The following GADL1 variants were observed in gnomAD, a reference collection of about 807,000 sequenced individuals.
GADL1 encodes the protein acidic amino acid decarboxylase GADL1.
A neutral mutation model predicts 69.5 loss-of-function variants in GADL1; 71 were observed. The ratio of observed to expected loss-of-function variants is 1.02; its 90% CI spans 0.84 to 1.25. The LOEUF (loss-of-function observed/expected upper bound fraction) is 1.25, where lower values mean the gene tolerates loss of function less well. GADL1 is among the 50% of genes most tolerant of loss of function. The pLI, the probability that GADL1 is intolerant of heterozygous loss-of-function variation, is 0.00. For synonymous variants in GADL1, 254 were observed against 214.4 expected, an observed-to-expected ratio of 1.18 and a Z score of -1.62; for missense variants, 737 against 631.8, an observed-to-expected ratio of 1.17 and a Z score of -1.79.
rs78579416 is a variant in GADL1 at position 30,851,738 on chromosome 3, G to A, written c.429-797C>T. Among the ~76,000 whole-genome samples the A allele has an allele frequency of 9.2e-3, 1,402 of 152,150 alleles. 63 individuals carry two copies. In the East Asian group the frequency reaches 0.14, roughly 15 times the overall value. ...ACTGTAGTTCCAGAGATCTCCGAGCGTCAGCCAAGATTGTCATGGAGCCTG... is the reference window on the plus strand; with the variant it reads ...ACTGTAGTTCCAGAGATCTCCGAGCATCAGCCAAGATTGTCATGGAGCCTG... On this transcript the variant is annotated intron_variant, in intron 4 of 14. Coordinates refer to ENST00000282538, the MANE Select transcript of GADL1 (RefSeq NM_207359.3).
At chr3:30,869,570 GGA>G (rs1698451585) in intron 1 of GADL1, among the ~76,000 whole-genome samples, 1 of 151,712 alleles carries the variant, frequency 6.6e-6, no homozygotes, top group Admixed American at 6.6e-5. Context: ...TGAATTCAAA[GGA>G]GTAAACAGAA....
At chr3:30,840,213 G>C (rs1184416665) in intron 8 of GADL1, among the ~76,000 whole-genome samples, 1 of 152,040 alleles carries the variant, frequency 6.6e-6, no homozygotes, top group African/African-American at 2.4e-5. Context: ...TAATGCCAGG[G>C]ATTATTGTGT....
chr3:30,857,230 C>T, intron 2 of GADL1, 89 bp from the exon 3 acceptor site: 1 of 1,109,840 alleles, frequency 9.0e-7, no homozygotes, highest in Admixed American at 2.3e-5. Context: ...CATTACAAAG[C>T]TTCTGGGCAG....
chr3:30,882,658 T>C (rs1278441044), intron 1 of GADL1, among the ~76,000 whole-genome samples: 1 of 151,976 alleles, frequency 6.6e-6, no homozygotes, highest in Non-Finnish European at 1.5e-5. Flanking sequence ...TACCCTGTTT[T>C]CAATTTTTAA....
intron 14 of GADL1, among the ~76,000 whole-genome samples, chr3:30,750,634 C>G (rs952839227): frequency 4.8e-5 from 5 of 104,022 alleles, no homozygotes; most frequent in Non-Finnish European, 1.0e-4. Flanking sequence ...CCCTTCTCTC[C>G]TCTTGCAGCC....
At chr3:30,777,363 G>A (rs1305324955) in intron 14 of GADL1, among the ~76,000 whole-genome samples, 2 of 152,190 alleles carry the variant, frequency 1.3e-5, no homozygotes, top group Non-Finnish European at 2.9e-5. Context: ...TCAAGAGGTA[G>A]GGAATTGCCT....
Position 30,772,292 on chromosome 3 carries a change from G to A in GADL1, c.1392+5887C>T, listed in dbSNP as rs1363114105. On this transcript the variant is annotated intron_variant, in intron 14 of 14. Transcript: ENST00000282538. ...GGAAAAAATTGAAATAACCATACATGAATACGAAAAGACAGCTTGTTAATT... is the reference window on the plus strand; with the variant it reads ...GGAAAAAATTGAAATAACCATACATAAATACGAAAAGACAGCTTGTTAATT... Among the ~76,000 whole-genome samples the A allele has an allele frequency of 3.9e-5, 6 of 152,104 alleles. No individual in the cohort carries two copies. The South Asian group carries it at 6.2e-4, about 16-fold the overall frequency.
chr3:30,818,164 C>T (rs778163711), intron 11 of GADL1, among the ~76,000 whole-genome samples: 2 of 152,042 alleles, frequency 1.3e-5, no homozygotes, highest in Non-Finnish European at 2.9e-5. Flanking sequence ...ACCAATTGGA[C>T]CAGAGGCTAA....
intron 14 of GADL1, among the ~76,000 whole-genome samples, chr3:30,769,537 T>C (rs376408639): frequency 1.5e-5 from 2 of 131,350 alleles, no homozygotes; most frequent in Non-Finnish European, 3.2e-5. Context: ...GTCTCCTCTA[T>C]GGTCTAATCA....
At chr3:30,755,784 T>C (rs983550733) in intron 14 of GADL1, among the ~76,000 whole-genome samples, 2 of 151,964 alleles carry the variant, frequency 1.3e-5, no homozygotes, top group African/African-American at 4.8e-5. Context: ...TAGATACCTA[T>C]GTTGTGATTA....
At chr3:30,867,459 T>TATATACAC (rs1698421048) in intron 1 of GADL1, among the ~76,000 whole-genome samples, 1 of 147,472 alleles carries the variant, frequency 6.8e-6, no homozygotes, top group Non-Finnish European at 1.5e-5. Context: ...TGTATATATA[T>TATATACAC]ACATATATAT....
At chr3:30,761,215 T>C (rs711683) in intron 14 of GADL1, among the ~76,000 whole-genome samples, 64,069 of 151,760 alleles carry the variant, frequency 0.42, 13,543 homozygotes, top group Non-Finnish European at 0.44. Flanking sequence ...TCACATTATA[T>C]ATTGAGAGAT....
In GADL1 at chr3:30,754,289, C is replaced by T. The variant is rs143941146; in HGVS notation, c.1392+23890G>A. Among the ~76,000 whole-genome samples the T allele has an allele frequency of 1.2e-4, 18 of 152,222 alleles. No individual in the cohort carries two copies. The East Asian group carries it at 3.5e-3, about 29-fold the overall frequency. On this transcript the variant is annotated intron_variant, in intron 14 of 14. Coordinates refer to ENST00000282538, the MANE Select transcript of GADL1 (RefSeq NM_207359.3). Reference sequence around the variant, plus strand: ...TGTGTAAAGGAGAACCACATGCAAGCCTTTTGTGGGGGAACAAACTATAAT... The same window carrying T: ...TGTGTAAAGGAGAACCACATGCAAGTCTTTTGTGGGGGAACAAACTATAAT...
At chr3:30,839,143 A>G in intron 8 of GADL1, 30 bp from the exon 9 acceptor site, 7 of 1,313,150 alleles carry the variant, frequency 5.3e-6, no homozygotes, top group South Asian at 1.6e-5. Flanking sequence ...ACACAAAATT[A>G]TCACTGTCAT....
At chr3:30,767,428 T>C (rs1214971772) in intron 14 of GADL1, among the ~76,000 whole-genome samples, 1 of 152,016 alleles carries the variant, frequency 6.6e-6, no homozygotes, top group Non-Finnish European at 1.5e-5. Flanking sequence ...GAAACGCAGA[T>C]CAATAGAACA....
intron 1 of GADL1, among the ~76,000 whole-genome samples, chr3:30,892,577 C>A (rs1165250909): frequency 1.3e-5 from 2 of 152,210 alleles, no homozygotes; most frequent in Non-Finnish European, 2.9e-5. Flanking sequence ...AAAGCCACCA[C>A]AAGCTACAGA....
intron 12 of GADL1, 66 bp from the exon 13 acceptor site, chr3:30,786,472 A>G: frequency 1.2e-6 from 1 of 832,962 alleles, no homozygotes; most frequent in East Asian, 2.5e-5. Flanking sequence ...CATGACTGAT[A>G]TGACAAAACT....
At chr3:30,778,791 G>GA (rs11435017) in intron 13 of GADL1, 21,929 of 152,082 alleles carry the variant, frequency 0.14, 4,154 homozygotes, top group African/African-American at 0.43. Flanking sequence ...TACTGCTTTT[G>GA]AAAAAAGAAC....
At chr3:30,857,194 G>C (rs1249663090) in intron 2 of GADL1, 53 bp from the exon 3 acceptor site, 5 of 1,515,894 alleles carry the variant, frequency 3.3e-6, no homozygotes, top group East Asian at 2.5e-5. Flanking sequence ...CAGGTATTGA[G>C]AGGATGTTAC....
Sources: allele counts gnomAD v4.1 joint callset (sites outside exome capture counted in the v4.1 genomes callset), GRCh38; gene constraint gnomAD v4.1.1; transcripts MANE v1.5; gene names NCBI Gene and HGNC (gene_info 2026-07-23, HGNC 2026-07-21).